KCNG2: variants seen among roughly 807,000 people sequenced by gnomAD.
KCNG2 encodes the protein potassium voltage-gated channel modifier subfamily G member 2, also known as voltage-gated potassium channel regulatory subunit KCNG2.
KCNG2 carries 7 observed loss-of-function variants against 12.3 expected under a neutral mutation model. The ratio of observed to expected loss-of-function variants is 0.57; its 90% confidence interval spans 0.32 to 1.07. The LOEUF (loss-of-function observed/expected upper bound fraction) is 1.07. Among genes scored for constraint, KCNG2 ranks in the 50% least tolerant of loss-of-function variants. The probability of loss-of-function intolerance (pLI) is 0.04; values close to 1 mark genes in which losing one functional copy is unlikely to be tolerated. For missense variants in KCNG2, 703 were observed against 726.0 expected, an observed-to-expected ratio of 0.97 and a Z score of 0.36; for synonymous variants, 414 against 351.4, an observed-to-expected ratio of 1.18 and a Z score of -1.99.
At chr18:79,879,471 A>G (rs994498476) in intron 3 of KCNG2, among the ~76,000 whole-genome samples, 1 of 148,566 alleles carries the variant, frequency 6.7e-6, no homozygotes, top group Non-Finnish European at 1.5e-5. Context: ...GGCTGTGTCC[A>G]TGAAACAAGA....
chr18:79,878,803 G>A (rs929636072), intron 3 of KCNG2, among the ~76,000 whole-genome samples: 13 of 152,244 alleles, frequency 8.5e-5, no homozygotes, highest in African/African-American at 2.9e-4. Flanking sequence ...TACAGTGACC[G>A]ATGGGCGCTT....
At chr18:79,804,751 A>G (rs1398365609) in intron 1 of KCNG2, among the ~76,000 whole-genome samples, 3 of 152,256 alleles carry the variant, frequency 2.0e-5, no homozygotes, top group African/African-American at 7.2e-5. Context: ...GGTACAACAA[A>G]TGCAATTTAA....
intron 1 of KCNG2, among the ~76,000 whole-genome samples, chr18:79,848,895 G>C (rs532235350): frequency 6.6e-6 from 1 of 152,178 alleles, no homozygotes; most frequent in African/African-American, 2.4e-5. Flanking sequence ...GCCTCGGTCC[G>C]CATGGGGCCC....
intron 1 of KCNG2, among the ~76,000 whole-genome samples, chr18:79,821,058 T>C (rs1317401783): frequency 6.6e-6 from 1 of 152,204 alleles, no homozygotes; most frequent in Non-Finnish European, 1.5e-5. Context: ...GCAAATATTT[T>C]CCCCCAGTCT....
At chr18:79,832,802 T>C (rs1004150791) in intron 1 of KCNG2, among the ~76,000 whole-genome samples, 3 of 152,184 alleles carry the variant, frequency 2.0e-5, no homozygotes, top group Admixed American at 6.5e-5. Context: ...TGTTACATGC[T>C]TCAACGTGTT....
chr18:79,898,246 T>G (rs1056109857), intron 3 of KCNG2, among the ~76,000 whole-genome samples: 1 of 152,178 alleles, frequency 6.6e-6, no homozygotes, highest in African/African-American at 2.4e-5. Flanking sequence ...AGCCAGGGAT[T>G]TGGGGGATGG....
At chr18:79,875,659 G>A (rs1980040759) in intron 3 of KCNG2, among the ~76,000 whole-genome samples, 1 of 152,208 alleles carries the variant, frequency 6.6e-6, no homozygotes, top group Non-Finnish European at 1.5e-5. Context: ...CTGGCACGGG[G>A]TTGGGGACAG....
At chr18:79,861,318 A>G (rs1599401078) in intron 2 of KCNG2, among the ~76,000 whole-genome samples, 1 of 111,366 alleles carries the variant, frequency 9.0e-6, no homozygotes, top group South Asian at 2.9e-4. Flanking sequence ...TCACTCTGTT[A>G]CCCAGGCTGG....
At chr18:79,799,995 G>A (rs1165305305) in intron 1 of KCNG2, among the ~76,000 whole-genome samples, 3 of 152,222 alleles carry the variant, frequency 2.0e-5, no homozygotes, top group South Asian at 2.1e-4. Context: ...TGAATGTCTC[G>A]GGAGGATCTG....
chr18:79,859,846 G>T (rs935214612), intron 2 of KCNG2, among the ~76,000 whole-genome samples: 1 of 152,098 alleles, frequency 6.6e-6, no homozygotes, highest in African/African-American at 2.4e-5. Context: ...CTTTACACTA[G>T]TACTACACTC....
rs553615692 is a variant in KCNG2 at position 79,875,552 on chromosome 18, C to T, written c.624+11261C>T. ...TGTCGGCCTTTGTTATGGGGTCGGC[C>T]GTGACCCTGACAATGGGGAAGAAAG... On this transcript the variant is annotated intron_variant, in intron 3 of 3. Transcript: ENST00000316249. 5.3e-5 allele frequency among the ~76,000 whole-genome samples: 8 copies of T among 152,320 alleles called. No individual in the cohort carries two copies. In the East Asian group the frequency reaches 9.6e-4, roughly 18 times the overall value.
intron 2 of KCNG2, among the ~76,000 whole-genome samples, 119 bp downstream of exon 2, chr18:79,856,571 T>C (rs1300294373): frequency 6.6e-6 from 1 of 152,108 alleles, no homozygotes; most frequent in Non-Finnish European, 1.5e-5. Flanking sequence ...ATGGTAAAGC[T>C]GAGACTCTGG....
intron 2 of KCNG2, among the ~76,000 whole-genome samples, chr18:79,862,401 C>T (rs1368394892): frequency 1.3e-5 from 2 of 152,274 alleles, no homozygotes; most frequent in South Asian, 2.1e-4. Flanking sequence ...GATTCTTAAA[C>T]GTCTGGAATG....
At chr18:79,806,491 C>G (rs979644358) in intron 1 of KCNG2, among the ~76,000 whole-genome samples, 2 of 152,074 alleles carry the variant, frequency 1.3e-5, no homozygotes, top group Non-Finnish European at 1.5e-5. Context: ...TTGCTGGGGG[C>G]CCCTGAGTTA....
intron 2 of KCNG2, among the ~76,000 whole-genome samples, chr18:79,861,273 CTTTTTTTTT>C (rs56348625): frequency 3.9e-5 from 3 of 76,996 alleles, no homozygotes; most frequent in Non-Finnish European, 7.6e-5. Flanking sequence ...CTCTCTCTCT[CTTTTTTTTT>C]TTTTTTTTTT....
At chr18:79,887,930 G>A (rs1037278043) in intron 3 of KCNG2, among the ~76,000 whole-genome samples, 5 of 152,166 alleles carry the variant, frequency 3.3e-5, no homozygotes, top group Non-Finnish European at 7.4e-5. Context: ...GGCGAATGGG[G>A]AGTGGATGTC....
At chr18:79,897,770 T>A (rs1286230834) in intron 3 of KCNG2, among the ~76,000 whole-genome samples, 1 of 152,046 alleles carries the variant, frequency 6.6e-6, no homozygotes, top group African/African-American at 2.4e-5. Flanking sequence ...CTTACTGTTG[T>A]GATGCCTGTG....
At chr18:79,846,751 T>G (rs2123043405) in intron 1 of KCNG2, among the ~76,000 whole-genome samples, 1 of 152,360 alleles carries the variant, frequency 6.6e-6, no homozygotes, top group South Asian at 2.1e-4. Context: ...AGTCGTATGC[T>G]CACTGATTGG....
chr18:79,848,049 T>C (rs551644622), intron 1 of KCNG2, among the ~76,000 whole-genome samples: 1 of 152,272 alleles, frequency 6.6e-6, no homozygotes, highest in South Asian at 2.1e-4. Context: ...GTGCGGTGCA[T>C]GGACCCTGAC....
Sources: gnomAD v4.1 joint callset for allele counts (sites outside exome capture counted in the v4.1 genomes callset) on GRCh38, gnomAD v4.1.1 for gene constraint, MANE v1.5 for transcripts, NCBI Gene and HGNC (gene_info 2026-07-23, HGNC 2026-07-21) for gene names.